KHDRBS3: variants seen among roughly 807,000 people sequenced by gnomAD.
The protein encoded by KHDRBS3 is KH RNA binding domain containing, signal transduction associated 3, also known as KH domain-containing, RNA-binding, signal transduction-associated protein 3.
KHDRBS3 carries 23 observed loss-of-function variants against 45.6 expected under a neutral mutation model. The observed-to-expected ratio is 0.50, with a 90% confidence interval of 0.36 to 0.72. KHDRBS3 has a LOEUF of 0.72. KHDRBS3 is among the 30% of genes least tolerant of loss of function. The pLI is 0.00. For missense variants in KHDRBS3, 352 were observed against 424.8 expected, an observed-to-expected ratio of 0.83 and a Z score of 1.51; for synonymous variants, 162 against 156.5, an observed-to-expected ratio of 1.04 and a Z score of -0.26.
chr8:135,535,715 T>G (rs1256142604), intron 2 of KHDRBS3, among the ~76,000 whole-genome samples: 1 of 152,162 alleles, frequency 6.6e-6, no homozygotes, highest in East Asian at 1.9e-4. Flanking sequence ...CCAGTCCATT[T>G]GTGCTGCCGC....
At chr8:135,638,891 G>A (rs952447550) in intron 7 of KHDRBS3, among the ~76,000 whole-genome samples, 3 of 151,792 alleles carry the variant, frequency 2.0e-5, no homozygotes, top group African/African-American at 7.3e-5. Flanking sequence ...AACCTGGGAG[G>A]CGGAGGTTGC....
intron 7 of KHDRBS3, among the ~76,000 whole-genome samples, chr8:135,614,282 C>T (rs887408204): frequency 2.6e-5 from 4 of 151,754 alleles, no homozygotes; most frequent in African/African-American, 9.7e-5. Flanking sequence ...TGAATCAAAA[C>T]GAATGGGTGA....
chr8:135,630,771 A>G (rs1174735167), intron 7 of KHDRBS3, among the ~76,000 whole-genome samples: 1 of 152,172 alleles, frequency 6.6e-6, no homozygotes, highest in Non-Finnish European at 1.5e-5. Context: ...CAGTAAAAAT[A>G]TGGTATAAAA....
intron 3 of KHDRBS3, 71 bp from the exon 4 acceptor site, chr8:135,548,675 TTTTATTTA>T (rs998248172): frequency 2.6e-6 from 3 of 1,169,586 alleles, no homozygotes; most frequent in Admixed American, 3.3e-5. Context: ...GGGGGTTAGT[TTTTATTTA>T]TTTATTTATT....
At chr8:135,515,422 A>G (rs1347940078) in intron 1 of KHDRBS3, among the ~76,000 whole-genome samples, 1 of 140,474 alleles carries the variant, frequency 7.1e-6, no homozygotes, top group African/African-American at 2.6e-5. Context: ...TGTTTGCTAA[A>G]GATGAGGGGT....
In KHDRBS3 at chr8:135,588,340, C is replaced by T. The variant is rs555120181; in HGVS notation, c.807+6267C>T. Among the ~76,000 whole-genome samples, 4 of 152,256 alleles carry T rather than the reference C, an allele frequency of 2.6e-5. No individual in the cohort carries two copies. The East Asian group carries it at 5.8e-4, about 22-fold the overall frequency. ...GGGCAAGGTGTTGGGGAGGGCATTCCACACCCTCTCCAGGCAGCCACCCTC... is the reference window on the plus strand; with the variant it reads ...GGGCAAGGTGTTGGGGAGGGCATTCTACACCCTCTCCAGGCAGCCACCCTC... On this transcript the variant is annotated intron_variant, in intron 6 of 8. Coordinates refer to ENST00000355849, the MANE Select transcript of KHDRBS3 (RefSeq NM_006558.3).
At chr8:135,464,996 A>G (rs1821626162) in intron 1 of KHDRBS3, among the ~76,000 whole-genome samples, 1 of 152,176 alleles carries the variant, frequency 6.6e-6, no homozygotes, top group African/African-American at 2.4e-5. Context: ...CATGCCTAGT[A>G]TTGGACTGGG....
chr8:135,646,871 C>A (rs994009407), intron 8 of KHDRBS3, 122 bp from the exon 9 acceptor site: 10 of 581,986 alleles, frequency 1.7e-5, no homozygotes, highest in Admixed American at 2.9e-5. Flanking sequence ...TTTCAGTACA[C>A]CAGGGGTATA....
At chr8:135,512,318 C>T (rs1237360823) in intron 1 of KHDRBS3, among the ~76,000 whole-genome samples, 2 of 149,296 alleles carry the variant, frequency 1.3e-5, no homozygotes, top group South Asian at 2.1e-4. Context: ...ATTTTGAAAT[C>T]GATTTCTGAA....
intron 1 of KHDRBS3, among the ~76,000 whole-genome samples, chr8:135,488,673 T>C (rs1343758704): frequency 6.6e-6 from 1 of 152,206 alleles, no homozygotes; most frequent in Admixed American, 6.5e-5. Flanking sequence ...CTGATATTCA[T>C]AGTATAGACT....
chr8:135,540,779 G>A (rs898010388), intron 2 of KHDRBS3: 2 of 152,300 alleles, frequency 1.3e-5, no homozygotes, highest in African/African-American at 4.8e-5. Context: ...TAACTCAGCT[G>A]CCATATTTGC....
intron 1 of KHDRBS3, among the ~76,000 whole-genome samples, chr8:135,472,817 C>T (rs1330093128): frequency 6.6e-6 from 1 of 152,010 alleles, no homozygotes; most frequent in Admixed American, 6.5e-5. Flanking sequence ...AAATGCATTG[C>T]CCTGACTTTG....
Position 135,548,856 on chromosome 8 carries a change from A to T in KHDRBS3, c.427A>T (p.Arg143Trp). Residue 143 changes from arginine to tryptophan, a missense_variant, in exon 4 of 9, where the codon AGG (arginine) becomes TGG (tryptophan). Arg to Trp is a moderately radical substitution (Grantham distance 101). This residue lies in a region of KHDRBS3 where 46 missense variants were observed against 45.9 expected (regional missense o/e 1.00). Transcript: ENST00000355849. ...TGCCCCACCTGCAGAAGCTTATGCC[A>T]GGATGGGACATGCTTTGGAAGAAAT... is the stretch of plus-strand genomic sequence containing the variant. ...VFAPPAEAYA[R>W]MGHALEEIKK... 6.2e-7 allele frequency: 1 copy of T among 1,601,708 alleles called. No homozygotes were observed. The highest frequency in any genetic ancestry group is 8.5e-7 in the Non-Finnish European group (1 of 1,174,198).
At chr8:135,569,245 C>T (rs2130878014) in intron 5 of KHDRBS3, among the ~76,000 whole-genome samples, 1 of 152,060 alleles carries the variant, frequency 6.6e-6, no homozygotes, top group East Asian at 1.9e-4. Context: ...TTAAGAAATA[C>T]CAAACCTGTA....
At chr8:135,552,009 A>G (rs1826627448) in intron 4 of KHDRBS3, among the ~76,000 whole-genome samples, 1 of 152,068 alleles carries the variant, frequency 6.6e-6, no homozygotes, top group Non-Finnish European at 1.5e-5. Flanking sequence ...ATTTTTGATG[A>G]GAAGAGTCAT....
chr8:135,532,613 A>G (rs893112131), intron 2 of KHDRBS3, among the ~76,000 whole-genome samples: 1 of 152,162 alleles, frequency 6.6e-6, no homozygotes, highest in Non-Finnish European at 1.5e-5. Flanking sequence ...GCACTTTACT[A>G]TTAACTCATT....
chr8:135,524,997 C>T (rs1825107849), intron 2 of KHDRBS3, among the ~76,000 whole-genome samples: 1 of 152,104 alleles, frequency 6.6e-6, no homozygotes, highest in Non-Finnish European at 1.5e-5. Context: ...TCTAAGTCTT[C>T]TAAGTCTTGG....
chr8:135,495,142 CTGACGATT>C (rs564001937), intron 1 of KHDRBS3, among the ~76,000 whole-genome samples: 19 of 152,320 alleles, frequency 1.2e-4, no homozygotes, highest in African/African-American at 4.3e-4. Flanking sequence ...CATTTAGCCT[CTGACGATT>C]TGATAAGATT....
chr8:135,500,067 G>A (rs1823655602), intron 1 of KHDRBS3, among the ~76,000 whole-genome samples: 1 of 152,114 alleles, frequency 6.6e-6, no homozygotes, highest in African/African-American at 2.4e-5. Context: ...TTCCTGTTTA[G>A]TGATTTTTTC....
Sources: allele counts gnomAD v4.1 joint callset (sites outside exome capture counted in the v4.1 genomes callset), GRCh38; gene constraint gnomAD v4.1.1; regional missense constraint gnomAD v4.1.1; transcripts MANE v1.5; gene names NCBI Gene and HGNC (gene_info 2026-07-23, HGNC 2026-07-21).